PI4KB: variants seen among roughly 807,000 people sequenced by gnomAD.
PI4KB encodes the protein phosphatidylinositol 4-kinase beta, also known as PtdIns 4-kinase beta.
In PI4KB, 23 loss-of-function variants were observed where a neutral mutation model predicts 81.4. The ratio of observed to expected loss-of-function variants is 0.28; its 90% CI spans 0.20 to 0.40. The LOEUF (loss-of-function observed/expected upper bound fraction) is 0.40. Ranked by LOEUF, PI4KB falls within the 10% of genes least tolerant of loss-of-function variation. The pLI is 1.00. For synonymous variants in PI4KB, 381 were observed against 406.8 expected, an observed-to-expected ratio of 0.94 and a Z score of 0.76; for missense variants, 651 against 1,036.6, an observed-to-expected ratio of 0.63 and a Z score of 5.11.
At chr1:151,306,457 T>TC (rs1356476015) in intron 4 of PI4KB, 94 bp from the exon 5 acceptor site, 2 of 772,396 alleles carry the variant, frequency 2.6e-6, no homozygotes, top group Admixed American at 4.1e-5. Context: ...CTGTCCTTTC[T>TC]CCTAGCTCCA....
rs1275605811 is a variant in PI4KB, at chr1:151,316,042, T to G, written c.440A>C (p.Tyr147Ser). ...TCCAGGCTCCTTGGAGTTATACAGG[T>G]ATGAAATGGCCATGGAGATGTCAAA... ...KLFDISMAIS[Y>S]LYNSKEPGVQ... Residue 147 changes from tyrosine (Y) to serine (S), a missense_variant, in exon 2 of 12, where the codon TAC becomes TCC. Physicochemically the swap from Tyr to Ser is moderately radical, Grantham distance 144 (BLOSUM62 -2). Around this residue, in one of 5 missense-constraint regions of PI4KB, gnomAD observed 314 missense variants for 397.8 expected, o/e 0.79. Transcript: ENST00000368873. The G allele has an allele frequency of 6.2e-7, 1 of 1,614,136 alleles. No individual in the cohort carries two copies. Among genetic ancestry groups the G allele is most frequent in the African/African-American group, 1.3e-5 (1 of 75,034 alleles).
In PI4KB at chr1:151,303,630, G is replaced by A. The variant is rs373610147; in HGVS notation, c.1431C>T (p.Asn477=). ...AGAACTGGGAGATGTTGTCACAGCT[G>A]TTGGTATGCACTTCGGGGAGCTGGA... is the stretch of plus-strand genomic sequence containing the variant. The part of the protein sequence containing the change: ...LQVELPEVHT[N]SCDNISQFSV... The change falls in exon 6 of 12, where the codon AAC becomes AAT. Residue 477 remains asparagine, a synonymous_variant. Transcript: ENST00000368873. 1 of 1,613,598 alleles carries A rather than the reference G, an allele frequency of 6.2e-7. No individual in the cohort carries two copies. The highest frequency in any genetic ancestry group is 8.5e-7 in the Non-Finnish European group (1 of 1,179,508).
chr1:151,324,706 A>G (rs1257473717), intron 1 of PI4KB: 1 of 967,192 alleles, frequency 1.0e-6, no homozygotes, highest in African/African-American at 1.8e-5. Flanking sequence ...GGGAGCCGCT[A>G]CTGAAACAGA....
intron 2 of PI4KB, among the ~76,000 whole-genome samples, chr1:151,314,293 C>A (rs1200665188): frequency 6.6e-6 from 1 of 152,152 alleles, no homozygotes; most frequent in Non-Finnish European, 1.5e-5. Context: ...TTTTCTCCCT[C>A]TTTTCTAGGC....
intron 4 of PI4KB, chr1:151,306,564 C>T (rs965681307): frequency 2.7e-5 from 16 of 582,214 alleles, no homozygotes; most frequent in Admixed American, 6.0e-5. Flanking sequence ...TGACAGAATC[C>T]TTAAGTCTTC....
Position 151,327,309 on chromosome 1 carries a change from G to A in PI4KB, c.-67C>T. 2.5e-6 allele frequency: 1 copy of A among 395,836 alleles called. No homozygotes were observed. The highest frequency in any genetic ancestry group is 4.4e-6 in the Non-Finnish European group (1 of 225,138). The allele number at this position is 395,836 out of a possible 1,614,324, so 24.5% of individuals were successfully genotyped here. A position where few individuals can be genotyped will look rare whatever the true frequency, so the allele number is the denominator to read the frequency against. The stretch of plus-strand genomic sequence containing the variant: ...CCGCGGAGGGGGTGCGGGCAGTCGC[G>A]GTTGGACTGCCGACACTGCCGCCTC... On this transcript the variant is annotated 5_prime_UTR_variant, in exon 1 of 12. Coordinates refer to ENST00000368873, the MANE Select transcript of PI4KB (RefSeq NM_001369623.2).
At chr1:151,325,020 T>C (rs1478500788) in intron 1 of PI4KB, 13 of 450,166 alleles carry the variant, frequency 2.9e-5, no homozygotes, top group Non-Finnish European at 3.5e-5. Context: ...GAGACAGAGT[T>C]TCACTCAGTC....
chr1:151,320,312 T>C (rs1466628951), intron 1 of PI4KB, among the ~76,000 whole-genome samples: 1 of 152,122 alleles, frequency 6.6e-6, no homozygotes, highest in East Asian at 1.9e-4. Context: ...GGATTACAGG[T>C]GTGAGCTGCC....
chr1:151,323,341 C>A (rs1649118510), intron 1 of PI4KB, among the ~76,000 whole-genome samples: 1 of 151,944 alleles, frequency 6.6e-6, no homozygotes, highest in Admixed American at 6.6e-5. Context: ...CCCGTCTCTA[C>A]TAAAAAATAT....
At chr1:151,297,815 A>G (rs1694936818) in intron 9 of PI4KB, among the ~76,000 whole-genome samples, 1 of 152,184 alleles carries the variant, frequency 6.6e-6, no homozygotes, top group African/African-American at 2.4e-5. Context: ...CTGGGATTAT[A>G]GGCATGAGCC....
intron 5 of PI4KB, among the ~76,000 whole-genome samples, chr1:151,304,147 C>G (rs763481516): frequency 1.3e-5 from 2 of 152,196 alleles, no homozygotes; most frequent in Non-Finnish European, 2.9e-5. Context: ...GAATATTCTA[C>G]CAGACCCCAA....
At chr1:151,297,950 G>C (rs1694947897) in intron 9 of PI4KB, among the ~76,000 whole-genome samples, 1 of 152,222 alleles carries the variant, frequency 6.6e-6, no homozygotes, top group South Asian at 2.1e-4. Flanking sequence ...TCTAGAGCTG[G>C]AACTCATAGG....
At chr1:151,300,313 G>A (rs1473001021) in intron 8 of PI4KB, among the ~76,000 whole-genome samples, 2 of 152,298 alleles carry the variant, frequency 1.3e-5, no homozygotes, top group East Asian at 3.9e-4. Flanking sequence ...AGTTAGAAAT[G>A]CTGATTTCTT....
intron 1 of PI4KB, among the ~76,000 whole-genome samples, chr1:151,321,269 G>A (rs1266009036): frequency 1.3e-5 from 2 of 152,196 alleles, no homozygotes; most frequent in African/African-American, 4.8e-5. Flanking sequence ...CTCTTCCCTG[G>A]CCTCTCAGGA....
At chr1:151,320,400 GT>G (rs1293112044) in intron 1 of PI4KB, among the ~76,000 whole-genome samples, 1 of 152,166 alleles carries the variant, frequency 6.6e-6, no homozygotes, top group Non-Finnish European at 1.5e-5. Context: ...CACCACTAAA[GT>G]TTTGCAGAAA....
chr1:151,294,271 T>C, intron 10 of PI4KB, 133 bp from the exon 11 acceptor site: 1 of 1,451,260 alleles, frequency 6.9e-7, no homozygotes, highest in Non-Finnish European at 9.3e-7. Flanking sequence ...GGCAGGAAGC[T>C]CCCAGGAACT....
chr1:151,301,973 A>T lies in PI4KB; in HGVS notation c.1626-6T>A. 1.2e-6 allele frequency: 2 copies of T among 1,613,370 alleles called. No individual in the cohort carries two copies. The highest frequency in any genetic ancestry group is 8.5e-7 in the Non-Finnish European group (1 of 1,180,008). On this transcript the variant is annotated splice_polypyrimidine_tract_variant and splice_region_variant and intron_variant, in intron 7 of 11. Coordinates refer to ENST00000368873, the MANE Select transcript of PI4KB (RefSeq NM_001369623.2). ...GGGAGCCCTCTCTGATCCGCCTGTG[A>T]AGACAGAAGTAAAGGGTGTCAAAGG...
chr1:151,322,689 T>A (rs1209720859), intron 1 of PI4KB, among the ~76,000 whole-genome samples: 2 of 152,194 alleles, frequency 1.3e-5, no homozygotes, highest in Admixed American at 1.3e-4. Context: ...TCAATTTTCC[T>A]CCTTTTAAAG....
chr1:151,299,966 G>A (rs1279166938), intron 8 of PI4KB, among the ~76,000 whole-genome samples: 1 of 152,080 alleles, frequency 6.6e-6, no homozygotes, highest in Non-Finnish European at 1.5e-5. Flanking sequence ...AAAATTAGAG[G>A]CATTAAGTTT....
Sources: allele counts gnomAD v4.1 joint callset (sites outside exome capture counted in the v4.1 genomes callset), GRCh38; gene constraint gnomAD v4.1.1; regional missense constraint gnomAD v4.1.1; transcripts MANE v1.5; gene names NCBI Gene and HGNC (gene_info 2026-07-23, HGNC 2026-07-21).